Variants in DBF4B observed in about 807,000 individuals in gnomAD.
DBF4B encodes the protein protein DBF4 homolog B.
A neutral mutation model predicts 53.4 loss-of-function variants in DBF4B; 49 were observed. That is an observed-to-expected ratio of 0.92 (90% CI 0.73 to 1.16). DBF4B has a LOEUF of 1.16. Among genes scored for constraint, DBF4B ranks in the 50% most tolerant of loss-of-function variants. The pLI, the probability that DBF4B is intolerant of heterozygous loss-of-function variation, is 0.00. For missense variants in DBF4B, 692 were observed against 775.0 expected (o/e 0.89, Z 1.27); for synonymous variants, 257 against 288.7 (o/e 0.89, Z 1.11).
intron 9 of DBF4B, among the ~76,000 whole-genome samples, chr17:44,739,794 G>T (rs751460952): frequency 6.6e-6 from 1 of 151,668 alleles, no homozygotes; most frequent in Non-Finnish European, 1.5e-5. Context: ...TTTTTGAGAC[G>T]GAGTCTCACT....
At chr17:44,723,487 C>T (rs1598787711) in intron 3 of DBF4B, among the ~76,000 whole-genome samples, 2 of 152,122 alleles carry the variant, frequency 1.3e-5, no homozygotes, top group African/African-American at 4.8e-5. Context: ...GGCGCAGTGG[C>T]TCACACCTGT....
At chr17:44,727,245 T>C (rs977399002) in intron 3 of DBF4B, among the ~76,000 whole-genome samples, 4 of 150,520 alleles carry the variant, frequency 2.7e-5, no homozygotes, top group African/African-American at 9.8e-5. Flanking sequence ...GATGAAACCT[T>C]GTCTCTACTA....
rs530625966 is a variant in DBF4B, at chr17:44,736,764, TCAGGCC to T, written c.631-62_631-57del. ...GACAGACTGGCAGCCACTTGGCTTATCAGGCCCAGTTCCTTGACCCCCGTGGCTTCC... is the reference window on the plus strand; with the variant it reads ...GACAGACTGGCAGCCACTTGGCTTATCAGTTCCTTGACCCCCGTGGCTTCC... On this transcript the variant is annotated intron_variant, in intron 7 of 13. Transcript: ENST00000315005. The T allele has an allele frequency of 9.7e-5, 154 of 1,584,544 alleles. No individual in the cohort carries two copies. The African/African-American group carries it at 1.9e-3, about 20-fold the overall frequency.
At chr17:44,709,586 G>A (rs139948303) in intron 2 of DBF4B, among the ~76,000 whole-genome samples, 1 of 152,152 alleles carries the variant, frequency 6.6e-6, no homozygotes, top group Non-Finnish European at 1.5e-5. Flanking sequence ...CTCCCAAAAT[G>A]CTGGGATTAC....
chr17:44,750,319 T>C, intron 13 of DBF4B: 2 of 1,216,758 alleles, frequency 1.6e-6, no homozygotes, highest in East Asian at 3.7e-5. Flanking sequence ...ATTTAAAGAG[T>C]TGTCTCTTTA....
intron 9 of DBF4B, among the ~76,000 whole-genome samples, chr17:44,739,726 C>T (rs1025315344): frequency 1.3e-5 from 2 of 152,154 alleles, no homozygotes; most frequent in Admixed American, 1.3e-4. Flanking sequence ...ATATTCCTGG[C>T]ATTATAGGCC....
intron 2 of DBF4B, among the ~76,000 whole-genome samples, chr17:44,714,553 G>T (rs1973166935): frequency 6.6e-6 from 1 of 151,062 alleles, no homozygotes; most frequent in Non-Finnish European, 1.5e-5. Flanking sequence ...TATGATCTTG[G>T]GCATACAAGA....
chr17:44,709,272 G>A, intron 1 of DBF4B, 32 bp from the exon 2 acceptor site: 2 of 1,614,002 alleles, frequency 1.2e-6, no homozygotes, highest in East Asian at 2.2e-5. Flanking sequence ...GGTTGGTGAA[G>A]ATGGTTGAGT....
At chr17:44,727,864 A>ATTTTTTTTTTTTTT (rs756222247) in intron 3 of DBF4B, among the ~76,000 whole-genome samples, 5 of 106,728 alleles carry the variant, frequency 4.7e-5, no homozygotes, top group African/African-American at 1.1e-4. Context: ...TGCCCGGGTA[A>ATTTTTTTTTTTTTT]TTTTTTTTTT....
intron 7 of DBF4B, among the ~76,000 whole-genome samples, chr17:44,736,496 G>C (rs546294005): frequency 7.9e-5 from 12 of 152,178 alleles, no homozygotes; most frequent in Admixed American, 1.3e-4. Flanking sequence ...TGAGGTCGGT[G>C]GGTACTCTTC....
intron 7 of DBF4B, among the ~76,000 whole-genome samples, chr17:44,735,375 C>T (rs1168987091): frequency 3.3e-5 from 5 of 152,116 alleles, no homozygotes; most frequent in African/African-American, 1.2e-4. Flanking sequence ...TTTACTTTAA[C>T]TTAATCAGTT....
At chr17:44,721,216 T>TTCC (rs1973808381) in intron 2 of DBF4B, among the ~76,000 whole-genome samples, 11 of 118,030 alleles carry the variant, frequency 9.3e-5, no homozygotes, top group African/African-American at 1.1e-4. Context: ...AACTAATTCT[T>TTCC]CCCCCCCCCT....
intron 2 of DBF4B, among the ~76,000 whole-genome samples, chr17:44,718,402 G>A (rs926382699): frequency 2.7e-5 from 4 of 146,030 alleles, no homozygotes; most frequent in Non-Finnish European, 4.5e-5. Context: ...CAGCCTGGAC[G>A]ACAGAGCAAG....
chr17:44,748,924 C>T, intron 13 of DBF4B: 1 of 1,290,036 alleles, frequency 7.8e-7, no homozygotes. Context: ...AGACCCCTTC[C>T]CCTGGCAGCC....
chr17:44,733,407 G>A (rs550274435), intron 6 of DBF4B, among the ~76,000 whole-genome samples: 1 of 152,332 alleles, frequency 6.6e-6, no homozygotes, highest in South Asian at 2.1e-4. Flanking sequence ...CCTGTTTGCA[G>A]CCTGTTTACA....
Position 44,748,226 on chromosome 17 carries a change from C to T in DBF4B, c.1065-115C>T, listed in dbSNP as rs915074396. 2.8e-5 allele frequency: 38 copies of T among 1,377,948 alleles called. No homozygotes were observed. In the African/African-American group the frequency reaches 5.5e-4, roughly 20 times the overall value. 85.4% of individuals were successfully genotyped at this position (1,377,948 alleles called of 1,614,324 possible). On this transcript the variant is annotated intron_variant, in intron 12 of 13. Transcript: ENST00000315005. ...CTTTCACACAGGGCCTCAGAGAAGG[C>T]AGCTCTCTCGGCACATGAACCGCCA... is the stretch of plus-strand genomic sequence containing the variant.
chr17:44,751,486 C>G lies in DBF4B; in HGVS notation c.*233C>G. ...TTCTTTCTGAAGAGGTGTCCTCCCT[C>G]CACAAGTCACACTGTCTGTCCCTGG... is the stretch of plus-strand genomic sequence containing the variant. On this transcript the variant is annotated 3_prime_UTR_variant, in exon 14 of 14. Transcript: ENST00000315005. 1 of 1,404,714 alleles carries G rather than the reference C, an allele frequency of 7.1e-7. No individual in the cohort carries two copies. The highest frequency in any genetic ancestry group is 2.6e-5 in the East Asian group (1 of 38,396). 87.0% of individuals were successfully genotyped at this position (1,404,714 alleles called of 1,614,324 possible).
At chr17:44,723,081 T>G in intron 3 of DBF4B, 59 bp downstream of exon 3, 1 of 1,597,616 alleles carries the variant, frequency 6.3e-7, no homozygotes, top group Non-Finnish European at 8.5e-7. Flanking sequence ...AGAGCAGGAG[T>G]TGGATGGGGA....
intron 2 of DBF4B, among the ~76,000 whole-genome samples, chr17:44,721,158 C>G (rs1427906114): frequency 1.3e-5 from 2 of 151,916 alleles, no homozygotes; most frequent in Non-Finnish European, 2.9e-5. Flanking sequence ...AAACACAGCA[C>G]CTGGCCAAGA....
Sources: allele counts gnomAD v4.1 joint callset (sites outside exome capture counted in the v4.1 genomes callset), GRCh38; gene constraint gnomAD v4.1.1; transcripts MANE v1.5; gene names NCBI Gene and HGNC (gene_info 2026-07-23, HGNC 2026-07-21).